The following MCTP1 variants were observed in gnomAD, a reference collection of about 807,000 sequenced individuals.
MCTP1 encodes multiple C2 and transmembrane domain containing 1.
In MCTP1, 69 loss-of-function variants were observed where a neutral mutation model predicts 120.6. That is an observed-to-expected ratio of 0.57 (90% CI 0.47 to 0.70). The LOEUF (loss-of-function observed/expected upper bound fraction) is 0.70, where lower values mean the gene tolerates loss of function less well. Ranked by LOEUF, MCTP1 falls within the 30% of genes least tolerant of loss-of-function variation. MCTP1 has a pLI of 0.00. For missense variants in MCTP1, 1,203 were observed against 1,248.8 expected (o/e 0.96, Z 0.55); for synonymous variants, 529 against 493.1 (o/e 1.07, Z -0.96).
chr5:95,000,471 G>C (rs1322130884), intron 2 of MCTP1, among the ~76,000 whole-genome samples: 1 of 152,088 alleles, frequency 6.6e-6, no homozygotes, highest in East Asian at 1.9e-4. Flanking sequence ...CTTTCCAATG[G>C]GACAAGATGT....
chr5:94,791,297 CAA>C (rs879859758), intron 18 of MCTP1, among the ~76,000 whole-genome samples: 1 of 139,904 alleles, frequency 7.1e-6, no homozygotes, highest in Non-Finnish European at 1.6e-5. Context: ...GACTCTGTTT[CAA>C]AAAAAAAAAA....
intron 17 of MCTP1, among the ~76,000 whole-genome samples, chr5:94,841,315 A>G (rs894202599): frequency 5.3e-5 from 8 of 152,234 alleles, no homozygotes; most frequent in Admixed American, 3.9e-4. Flanking sequence ...TCACAAATTT[A>G]TGGTCAATCA....
At chr5:95,198,608 C>A (rs1048118858) in intron 1 of MCTP1, among the ~76,000 whole-genome samples, 1 of 152,112 alleles carries the variant, frequency 6.6e-6, no homozygotes, top group Non-Finnish European at 1.5e-5. Context: ...AGGTCGGAAT[C>A]CCATTGTATA....
chr5:94,752,111 ATATATAT>A (rs1768548076), intron 19 of MCTP1, among the ~76,000 whole-genome samples: 1 of 27,798 alleles, frequency 3.6e-5, no homozygotes, highest in African/African-American at 5.3e-4. Flanking sequence ...ATAATAAAAT[ATATATAT>A]ATATATATAT....
intron 2 of MCTP1, among the ~76,000 whole-genome samples, chr5:94,956,435 T>G (rs1047706555): frequency 1.3e-5 from 2 of 152,144 alleles, no homozygotes; most frequent in Non-Finnish European, 2.9e-5. Context: ...TTGACAGAAG[T>G]AGGCTTCAGA....
Position 95,214,485 on chromosome 5 carries a change from T to A in MCTP1, c.720+69371A>T, listed in dbSNP as rs1185330780. Among the ~76,000 whole-genome samples the A allele has an allele frequency of 4.6e-5, 7 of 152,230 alleles. No homozygotes were observed. In the South Asian group the frequency reaches 1.5e-3, roughly 32 times the overall value. The stretch of plus-strand genomic sequence containing the variant: ...TTCCTCAGGGATCTAGAACTAGAAA[T>A]ACCATTTGACCTAGCCATCCCATTA... On this transcript the variant is annotated intron_variant, in intron 1 of 22. Transcript: ENST00000515393.
intron 4 of MCTP1, among the ~76,000 whole-genome samples, chr5:94,941,086 C>T (rs1360735540): frequency 6.6e-6 from 1 of 151,870 alleles, no homozygotes; most frequent in East Asian, 1.9e-4. Context: ...TCCAAATTGT[C>T]ACCATTTAAA....
intron 17 of MCTP1, among the ~76,000 whole-genome samples, chr5:94,807,895 A>G (rs1782682314): frequency 6.6e-6 from 1 of 152,204 alleles, no homozygotes; most frequent in African/African-American, 2.4e-5. Flanking sequence ...AGAAGAAACT[A>G]TATGTGTATA....
intron 1 of MCTP1, among the ~76,000 whole-genome samples, chr5:95,126,478 T>C (rs1220705903): frequency 6.6e-6 from 1 of 152,222 alleles, no homozygotes; most frequent in African/African-American, 2.4e-5. Flanking sequence ...AGAAAAACTC[T>C]ACCTCAATGA....
At chr5:94,861,967 G>A (rs1412422369) in intron 17 of MCTP1, among the ~76,000 whole-genome samples, 3 of 151,674 alleles carry the variant, frequency 2.0e-5, no homozygotes, top group African/African-American at 4.8e-5. Flanking sequence ...CCTCCACCAC[G>A]CCAACTTTTA....
intron 1 of MCTP1, among the ~76,000 whole-genome samples, chr5:95,189,985 G>A (rs559258099): frequency 4.6e-5 from 7 of 152,146 alleles, no homozygotes; most frequent in East Asian, 3.9e-4. Context: ...CTTAATATCC[G>A]TACTTGGTGG....
chr5:95,229,709 C>G (rs1754698169), intron 1 of MCTP1, among the ~76,000 whole-genome samples: 1 of 151,600 alleles, frequency 6.6e-6, no homozygotes, highest in Non-Finnish European at 1.5e-5. Flanking sequence ...CCACTGCACT[C>G]CAGCCTGGGT....
chr5:95,093,761 G>A (rs572520105), intron 1 of MCTP1, among the ~76,000 whole-genome samples: 1 of 152,282 alleles, frequency 6.6e-6, no homozygotes, highest in African/African-American at 2.4e-5. Flanking sequence ...TGAGGACTAA[G>A]TGCCTTCCCT....
chr5:94,974,309 G>A (rs559279927), intron 2 of MCTP1, among the ~76,000 whole-genome samples: 1 of 152,250 alleles, frequency 6.6e-6, no homozygotes, highest in Admixed American at 6.5e-5. Context: ...TGCTTTGGGA[G>A]GCCACGGTGG....
chr5:94,789,397 T>C (rs1187739466), intron 18 of MCTP1: 1 of 152,246 alleles, frequency 6.6e-6, no homozygotes, highest in Non-Finnish European at 1.5e-5. Flanking sequence ...CCTTTACATC[T>C]TTCTCTATTT....
chr5:94,882,383 A>G (rs1800295841), intron 12 of MCTP1, among the ~76,000 whole-genome samples: 1 of 152,016 alleles, frequency 6.6e-6, no homozygotes, highest in Admixed American at 6.6e-5. Context: ...CACGAGTCCA[A>G]CTATACTATC....
At chr5:95,075,307 A>G (rs1367025562) in intron 1 of MCTP1, among the ~76,000 whole-genome samples, 6 of 152,230 alleles carry the variant, frequency 3.9e-5, no homozygotes, top group Non-Finnish European at 8.8e-5. Context: ...ACTTTCTCAC[A>G]GAGGACTTCT....
intron 2 of MCTP1, among the ~76,000 whole-genome samples, chr5:94,970,681 C>G (rs1033113733): frequency 6.6e-6 from 1 of 151,964 alleles, no homozygotes; most frequent in Non-Finnish European, 1.5e-5. Context: ...CGAAAGGAAA[C>G]TATTTTTCCT....
intron 1 of MCTP1, among the ~76,000 whole-genome samples, chr5:95,108,167 C>T (rs907838451): frequency 3.3e-5 from 5 of 152,252 alleles, no homozygotes; most frequent in Admixed American, 1.3e-4. Context: ...TTGCCTGTTT[C>T]CCCATTCTCC....
Sources: gnomAD v4.1 joint callset for allele counts (sites outside exome capture counted in the v4.1 genomes callset) on GRCh38, gnomAD v4.1.1 for gene constraint, MANE v1.5 for transcripts, NCBI Gene and HGNC (gene_info 2026-07-23, HGNC 2026-07-21) for gene names.